CDH8: variants seen among roughly 807,000 people sequenced by gnomAD.
The protein encoded by CDH8 is cadherin 8.
CDH8 carries 17 observed loss-of-function variants against 68.1 expected under a neutral mutation model. That is an observed-to-expected ratio of 0.25 (90% CI 0.17 to 0.37). CDH8 has a LOEUF of 0.37. CDH8 is among the 10% of genes least tolerant of loss of function. CDH8 has a pLI of 1.00. For synonymous variants in CDH8, 372 were observed against 365.1 expected (o/e 1.02, Z -0.21); for missense variants, 763 against 999.3 (o/e 0.76, Z 3.19).
chr16:61,883,426 G>A (rs191109035), intron 3 of CDH8, among the ~76,000 whole-genome samples: 7 of 151,968 alleles, frequency 4.6e-5, no homozygotes, highest in Admixed American at 2.6e-4. Context: ...CAACAAGCAG[G>A]CTTGGGGATA....
chr16:61,672,881 A>T lies in CDH8; in HGVS notation c.1655-17160T>A, dbSNP rs577628543. The stretch of plus-strand genomic sequence containing the variant: ...TGGTTTTCAAGCAAATGTTCTACCT[A>T]ACACAGTGTAAATCCATCATTCAAT... On this transcript the variant is annotated intron_variant, in intron 10 of 11. Coordinates refer to ENST00000577390, the MANE Select transcript of CDH8 (RefSeq NM_001796.5). Among the ~76,000 whole-genome samples the T allele has an allele frequency of 2.0e-5, 3 of 152,234 alleles. No homozygotes were observed. The South Asian group carries it at 6.2e-4, about 32-fold the overall frequency.
chr16:61,788,654 A>G (rs1961298724), intron 8 of CDH8, among the ~76,000 whole-genome samples: 1 of 152,006 alleles, frequency 6.6e-6, no homozygotes, highest in Non-Finnish European at 1.5e-5. Flanking sequence ...TAGAGACTCC[A>G]TTATAGTTTT....
intron 3 of CDH8, among the ~76,000 whole-genome samples, chr16:61,899,480 G>A (rs1265193757): frequency 1.3e-5 from 2 of 151,902 alleles, no homozygotes. Context: ...ATGGAGGGAA[G>A]GAGAGAGAAA....
Position 61,707,311 on chromosome 16 carries a change from T to A in CDH8, c.1654+6530A>T, listed in dbSNP as rs946767237. ...TACATCATTTAAATTTTTTACTTAA[T>A]ATTTTATTATTTAAAACAACATTGG... On this transcript the variant is annotated intron_variant, in intron 10 of 11. Coordinates refer to ENST00000577390, the MANE Select transcript of CDH8 (RefSeq NM_001796.5). Among the ~76,000 whole-genome samples, 3 of 152,226 alleles carry A rather than the reference T, an allele frequency of 2.0e-5. No homozygotes were observed. In the East Asian group the frequency reaches 5.8e-4, roughly 29 times the overall value.
intron 2 of CDH8, among the ~76,000 whole-genome samples, chr16:61,926,064 G>A (rs888178455): frequency 1.3e-5 from 2 of 151,932 alleles, no homozygotes; most frequent in African/African-American, 4.8e-5. Context: ...TGAGAAATCT[G>A]AGATTCAGAG....
At chr16:61,999,182 C>T (rs563202889) in intron 2 of CDH8, among the ~76,000 whole-genome samples, 1 of 152,182 alleles carries the variant, frequency 6.6e-6, no homozygotes, top group Non-Finnish European at 1.5e-5. Flanking sequence ...AGGTACTTCT[C>T]ATGTATTTAC....
chr16:62,035,805 G>T (rs1189965785), intron 1 of CDH8, among the ~76,000 whole-genome samples: 2 of 152,208 alleles, frequency 1.3e-5, no homozygotes, highest in East Asian at 3.9e-4. Flanking sequence ...AACTGGAGGG[G>T]CACAGCCTGG....
At chr16:62,009,628 T>C (rs1188404760) in intron 2 of CDH8, among the ~76,000 whole-genome samples, 10 of 152,302 alleles carry the variant, frequency 6.6e-5, no homozygotes, top group Non-Finnish European at 7.3e-5. Context: ...ACCTAGAAAA[T>C]TGCTCAGTTT....
intron 8 of CDH8, among the ~76,000 whole-genome samples, chr16:61,769,348 T>C (rs1001317419): frequency 6.6e-6 from 1 of 151,828 alleles, no homozygotes; most frequent in South Asian, 2.1e-4. Context: ...ACATGCATTA[T>C]ACAACAACAT....
intron 3 of CDH8, among the ~76,000 whole-genome samples, chr16:61,889,751 G>C (rs546489080): frequency 1.3e-5 from 2 of 152,258 alleles, no homozygotes; most frequent in South Asian, 4.1e-4. Flanking sequence ...CATGTGGCTT[G>C]AATAAACAGG....
At chr16:61,808,842 T>G (rs1961868913) in intron 7 of CDH8, among the ~76,000 whole-genome samples, 2 of 152,140 alleles carry the variant, frequency 1.3e-5, no homozygotes, top group South Asian at 4.1e-4. Flanking sequence ...CACAACAATT[T>G]CAACTCTGCA....
Position 61,652,707 on chromosome 16 carries a change from C to A in CDH8, c.*901G>T. 7.9e-7 allele frequency: 1 copy of A among 1,263,790 alleles called. No homozygotes were observed. Among genetic ancestry groups the A allele is most frequent in the Non-Finnish European group, 1.0e-6 (1 of 1,001,846 alleles). 78.3% of individuals were successfully genotyped at this position (1,263,790 alleles called of 1,614,324 possible). On this transcript the variant is annotated 3_prime_UTR_variant, in exon 12 of 12. Transcript: ENST00000577390. The stretch of plus-strand genomic sequence containing the variant: ...GTTTTTTCCCATATATCCCCTTAAT[C>A]TATAGATTACCGACCTTAATAAATA...
intron 10 of CDH8, among the ~76,000 whole-genome samples, chr16:61,695,011 ACCGCGTGATCCCCCGCCTCAGC>A (rs1207162017): frequency 6.6e-6 from 1 of 151,720 alleles, no homozygotes; most frequent in Non-Finnish European, 1.5e-5. Context: ...CGAACTCCTG[ACCGCGTGATCCCCCGCCTCAGC>A]CCCTCAAAGT....
chr16:62,023,259 G>A (rs920014186), intron 1 of CDH8, among the ~76,000 whole-genome samples: 2 of 152,122 alleles, frequency 1.3e-5, no homozygotes, highest in East Asian at 1.9e-4. Flanking sequence ...TACCCATGCT[G>A]TGCTCTCTCT....
intron 3 of CDH8, among the ~76,000 whole-genome samples, chr16:61,890,107 A>T (rs925478361): frequency 3.3e-5 from 5 of 152,206 alleles, no homozygotes; most frequent in African/African-American, 1.2e-4. Context: ...TGAGAACAGA[A>T]GAGTAGGGTG....
chr16:61,708,269 C>T (rs954289806), intron 10 of CDH8, among the ~76,000 whole-genome samples: 2 of 152,140 alleles, frequency 1.3e-5, no homozygotes, highest in Non-Finnish European at 2.9e-5. Context: ...CTTTGAACAG[C>T]ATTTTGACAA....
At chr16:61,761,844 A>T (rs1960478809) in intron 8 of CDH8, among the ~76,000 whole-genome samples, 1 of 151,942 alleles carries the variant, frequency 6.6e-6, no homozygotes, top group Non-Finnish European at 1.5e-5. Flanking sequence ...CTCTACAAAA[A>T]ATAAAACTAG....
At chr16:62,001,621 C>T (rs1965895445) in intron 2 of CDH8, among the ~76,000 whole-genome samples, 1 of 152,228 alleles carries the variant, frequency 6.6e-6, no homozygotes, top group South Asian at 2.1e-4. Context: ...AAGCTATGTG[C>T]TCTGTTAAAG....
intron 2 of CDH8, among the ~76,000 whole-genome samples, chr16:61,953,903 A>T (rs1163113452): frequency 1.7e-5 from 2 of 118,720 alleles, no homozygotes; most frequent in East Asian, 5.4e-4. Context: ...CTTTATATAT[A>T]TATATATATA....
Sources: allele counts gnomAD v4.1 joint callset (sites outside exome capture counted in the v4.1 genomes callset), GRCh38; gene constraint gnomAD v4.1.1; transcripts MANE v1.5; gene names NCBI Gene and HGNC (gene_info 2026-07-23, HGNC 2026-07-21).